Variants in SLMAP observed in about 807,000 individuals in gnomAD.
The protein encoded by SLMAP is sarcolemmal membrane-associated protein.
Under a neutral mutation model 128.8 loss-of-function variants are expected in SLMAP, and 44 were observed. The observed-to-expected ratio is 0.34, with a 90% CI of 0.27 to 0.44. The LOEUF is 0.44. Ranked by LOEUF, SLMAP falls within the 20% of genes least tolerant of loss-of-function variation. The probability of loss-of-function intolerance (pLI) is 1.00; values close to 1 mark genes in which losing one functional copy is unlikely to be tolerated. For synonymous variants in SLMAP, 327 were observed against 348.8 expected, an observed-to-expected ratio of 0.94 and a Z score of 0.70; for missense variants, 787 against 985.3, an observed-to-expected ratio of 0.80 and a Z score of 2.69.
At chr3:57,894,881 A>ATC (rs2096199210) in intron 15 of SLMAP, among the ~76,000 whole-genome samples, 1 of 152,232 alleles carries the variant, frequency 6.6e-6, no homozygotes, top group Non-Finnish European at 1.5e-5. Flanking sequence ...TAGGGACCAG[A>ATC]TTACGGCTAA....
chr3:57,792,555 C>T (rs1475192201), intron 2 of SLMAP, among the ~76,000 whole-genome samples: 1 of 151,976 alleles, frequency 6.6e-6, no homozygotes, highest in Non-Finnish European at 1.5e-5. Context: ...TTCTGTTTCA[C>T]TTAAATTATA....
intron 17 of SLMAP, among the ~76,000 whole-genome samples, chr3:57,905,827 A>T (rs1311049310): frequency 6.6e-6 from 1 of 152,120 alleles, no homozygotes; most frequent in Non-Finnish European, 1.5e-5. Context: ...CCCAGGGGAC[A>T]TTTGGCAATA....
At chr3:57,759,460 AG>A (rs769710608) in intron 2 of SLMAP, among the ~76,000 whole-genome samples, 1 of 152,114 alleles carries the variant, frequency 6.6e-6, no homozygotes, top group Non-Finnish European at 1.5e-5. Context: ...TATTTTTAGT[AG>A]AGACAGGGTT....
intron 2 of SLMAP, among the ~76,000 whole-genome samples, chr3:57,797,816 A>G (rs2087133607): frequency 6.6e-6 from 1 of 152,138 alleles, no homozygotes; most frequent in Non-Finnish European, 1.5e-5. Context: ...CTGCAAAGTG[A>G]TGAGTTGGGC....
chr3:57,792,217 T>G (rs2085629557), intron 2 of SLMAP, among the ~76,000 whole-genome samples: 1 of 152,090 alleles, frequency 6.6e-6, no homozygotes. Flanking sequence ...ATTTTACTAT[T>G]TATACTTTTT....
At chr3:57,849,171 G>A (rs1237488029) in intron 5 of SLMAP, among the ~76,000 whole-genome samples, 1 of 152,158 alleles carries the variant, frequency 6.6e-6, no homozygotes, top group East Asian at 1.9e-4. Flanking sequence ...TTACAGGCAT[G>A]AGCCACTGCG....
intron 2 of SLMAP, among the ~76,000 whole-genome samples, chr3:57,779,508 C>T (rs1350240547): frequency 1.3e-5 from 1 of 79,800 alleles, no homozygotes; most frequent in Admixed American, 1.3e-4. Flanking sequence ...GACCCTGTTT[C>T]AAAAAAAAAA....
Position 57,851,827 on chromosome 3 carries a change from T to A in SLMAP, c.519+2011T>A, listed in dbSNP as rs183703899. On this transcript the variant is annotated intron_variant, in intron 6 of 24. Transcript: ENST00000671191. Reference sequence around the variant, plus strand: ...TTAGTTCTGCTACTCAACCCACTTTTGTGACCTTGAGTGAGTCATTTTATG... The same window carrying A: ...TTAGTTCTGCTACTCAACCCACTTTAGTGACCTTGAGTGAGTCATTTTATG... Among the ~76,000 whole-genome samples, 161 of 152,084 alleles carry A rather than the reference T, an allele frequency of 1.1e-3. 2 individuals are homozygous for A. The highest frequency in any genetic ancestry group is 8.6e-3 in the Admixed American group (132 of 15,272).
At chr3:57,914,659 C>T (rs1211506741) in intron 21 of SLMAP, among the ~76,000 whole-genome samples, 1 of 151,590 alleles carries the variant, frequency 6.6e-6, no homozygotes, top group Admixed American at 6.6e-5. Flanking sequence ...CTCAGCTCAT[C>T]ACAACCTCCA....
At chr3:57,907,570 T>C (rs2096600092) in intron 17 of SLMAP, among the ~76,000 whole-genome samples, 1 of 152,258 alleles carries the variant, frequency 6.6e-6, no homozygotes, top group South Asian at 2.1e-4. Flanking sequence ...CTCATCTCAC[T>C]GAATTTCAAG....
intron 2 of SLMAP, among the ~76,000 whole-genome samples, chr3:57,802,201 A>G (rs779915973): frequency 1.8e-4 from 27 of 152,192 alleles, no homozygotes; most frequent in Non-Finnish European, 2.6e-4. Context: ...ATCACTCCCA[A>G]AAAAATTCCC....
intron 2 of SLMAP, among the ~76,000 whole-genome samples, chr3:57,796,899 G>A (rs1319026290): frequency 6.6e-6 from 1 of 152,160 alleles, no homozygotes. Context: ...AAGGCAAGGG[G>A]CTGGATATGG....
chr3:57,783,054 A>T (rs966905583), intron 2 of SLMAP, among the ~76,000 whole-genome samples: 1 of 152,236 alleles, frequency 6.6e-6, no homozygotes, highest in Non-Finnish European at 1.5e-5. Context: ...TTAAGACAGA[A>T]AATTGCTACC....
At chr3:57,921,887 T>G (rs977653624) in intron 22 of SLMAP, among the ~76,000 whole-genome samples, 30 of 152,062 alleles carry the variant, frequency 2.0e-4, no homozygotes, top group African/African-American at 6.8e-4. Context: ...GTATTTTTAG[T>G]AGAGGTGGGG....
At chr3:57,760,562 C>T (rs905477445) in intron 2 of SLMAP, among the ~76,000 whole-genome samples, 1 of 152,044 alleles carries the variant, frequency 6.6e-6, no homozygotes, top group Non-Finnish European at 1.5e-5. Context: ...ACCCACAGTG[C>T]GACCAAATAG....
At chr3:57,835,037 G>C (rs1223093303) in intron 3 of SLMAP, among the ~76,000 whole-genome samples, 1 of 149,550 alleles carries the variant, frequency 6.7e-6, no homozygotes, top group Non-Finnish European at 1.5e-5. Context: ...TGGGAGGATG[G>C]CTTGAGCCTG....
chr3:57,770,841 T>C (rs1458523716), intron 2 of SLMAP, among the ~76,000 whole-genome samples: 1 of 152,176 alleles, frequency 6.6e-6, no homozygotes, highest in Non-Finnish European at 1.5e-5. Flanking sequence ...TGTATAGTAA[T>C]ACCAGTTGAA....
chr3:57,885,343 T>A (rs534305650), intron 14 of SLMAP, among the ~76,000 whole-genome samples: 1 of 151,262 alleles, frequency 6.6e-6, no homozygotes, highest in South Asian at 2.1e-4. Flanking sequence ...GTGCTGAGAT[T>A]ACAGGCGTGA....
chr3:57,764,007 G>C (rs570604056), intron 2 of SLMAP, among the ~76,000 whole-genome samples: 45 of 152,238 alleles, frequency 3.0e-4, no homozygotes, highest in African/African-American at 1.1e-3. Context: ...CCTTGTCTTT[G>C]TAATTAATTT....
Sources: allele counts gnomAD v4.1 joint callset (sites outside exome capture counted in the v4.1 genomes callset), GRCh38; gene constraint gnomAD v4.1.1; transcripts MANE v1.5; gene names NCBI Gene and HGNC (gene_info 2026-07-23, HGNC 2026-07-21).